The following SLC2A9 variants were observed in gnomAD, a reference collection of about 807,000 sequenced individuals.
The protein encoded by SLC2A9 is solute carrier family 2, facilitated glucose transporter member 9.
Under a neutral mutation model 50.6 loss-of-function variants are expected in SLC2A9, and 39 were observed. The observed-to-expected ratio is 0.77, with a 90% CI of 0.60 to 1.01. The LOEUF is 1.01. SLC2A9 is among the 50% of genes least tolerant of loss of function. SLC2A9 has a pLI of 0.00. For missense variants in SLC2A9, 686 were observed against 677.6 expected, an observed-to-expected ratio of 1.01 and a Z score of -0.14; for synonymous variants, 324 against 276.9, an observed-to-expected ratio of 1.17 and a Z score of -1.69.
intron 11 of SLC2A9, among the ~76,000 whole-genome samples, chr4:9,831,933 T>C (rs1046793674): frequency 1.3e-5 from 2 of 152,156 alleles, no homozygotes; most frequent in Non-Finnish European, 2.9e-5. Context: ...GGATAACAAT[T>C]GGTGTAGTTG....
chr4:9,801,512 T>G (rs563749903), intron 3 of SLC2A9, among the ~76,000 whole-genome samples: 1 of 152,202 alleles, frequency 6.6e-6, no homozygotes, highest in African/African-American at 2.4e-5. Flanking sequence ...CAGTCAACAC[T>G]GTAGCTCTGA....
intron 1 of SLC2A9, among the ~76,000 whole-genome samples, chr4:10,027,053 A>AC (rs965993203): frequency 6.7e-5 from 10 of 149,926 alleles, no homozygotes; most frequent in Admixed American, 4.7e-4. Flanking sequence ...CAAAAAAACA[A>AC]AAAAAAAAAG....
At chr4:9,957,506 A>G (rs2108897629) in intron 5 of SLC2A9, among the ~76,000 whole-genome samples, 1 of 152,328 alleles carries the variant, frequency 6.6e-6, no homozygotes, top group South Asian at 2.1e-4. Flanking sequence ...AACCAACAGA[A>G]AGATAAAGCA....
chr4:9,832,592 G>T lies in SLC2A9; in HGVS notation c.1419+2289C>A, dbSNP rs190980687. 2.9e-3 allele frequency among the ~76,000 whole-genome samples: 445 copies of T among 152,312 alleles called. 2 individuals carry two copies. Among genetic ancestry groups the T allele is most frequent in the African/African-American group, 0.01 (420 of 41,568 alleles). ...CTTCTCAGGAACTGTTTCCAGAGGG[G>T]ATTTGTTTCGAAAATGCCCACAGGC... On this transcript the variant is annotated intron_variant, in intron 11 of 11. Coordinates refer to ENST00000264784, the MANE Select transcript of SLC2A9 (RefSeq NM_020041.3).
rs745405422 is a variant in SLC2A9, at chr4:9,980,682, G to C, written c.591C>G (p.Ile197Met). The change falls in exon 5 of 12, where the codon ATC becomes ATG. Residue 197 changes from isoleucine to methionine, a missense_variant. Transcript: ENST00000264784. ...CAGTCACCTGCCCCAGAGAGCCACGGATCTCCTTGGGTGAGATCTCACTAA... is the reference window on the plus strand; with the variant it reads ...CAGTCACCTGCCCCAGAGAGCCACGCATCTCCTTGGGTGAGATCTCACTAA... ...MYLSEISPKE[I>M]RGSLGQVTAI... 6.2e-7 allele frequency: 1 copy of C among 1,614,132 alleles called. No homozygotes were observed. The highest frequency in any genetic ancestry group is 1.6e-4 in the Middle Eastern group (1 of 6,062).
intron 3 of SLC2A9, among the ~76,000 whole-genome samples, chr4:9,813,472 C>T (rs897959837): frequency 6.6e-6 from 1 of 152,148 alleles, no homozygotes; most frequent in Non-Finnish European, 1.5e-5. Flanking sequence ...GCCCTGGTCA[C>T]CTGGAGCCAC....
chr4:9,943,083 C>T (rs1271992026), intron 5 of SLC2A9, among the ~76,000 whole-genome samples: 1 of 152,170 alleles, frequency 6.6e-6, no homozygotes, highest in Non-Finnish European at 1.5e-5. Flanking sequence ...GCCTCCCCAC[C>T]TCTCCCCCAG....
chr4:9,775,596 G>T (rs1361481356), downstream of SLC2A9, among the ~76,000 whole-genome samples: 4 of 152,014 alleles, frequency 2.6e-5, no homozygotes, highest in African/African-American at 9.7e-5. Context: ...GTGAGTTCTT[G>T]TGAGATCTGG....
At position 9,783,240 on chromosome 4, in the gene SLC2A9, A is replaced by G. The variant is rs1195713406; in HGVS notation, n.386-3175T>C. On this transcript the variant is annotated intron_variant and non_coding_transcript_variant, in intron 3 of 3. Coordinates refer to the SLC2A9 transcript ENST00000503803. ...TACAACCAAGACATCGTCTTCCACA[A>G]GGAAATCGCAGCTGCCTACATCCAC... 4 of 1,614,210 alleles carry G rather than the reference A, an allele frequency of 2.5e-6. No homozygotes were observed. The East Asian group carries it at 8.9e-5, about 36-fold the overall frequency.
In SLC2A9 at chr4:9,887,571, C is replaced by T. The variant is rs1436251938; in HGVS notation, c.1287G>A (p.Gly429=). ...ILAIIASFCS[G]PGGIPFILTG... is the part of the protein sequence containing the mutation. ...GGGGAGGGTGGGGTGCCTTACCTGG[C>T]CCACTGCAGAAAGAGGCGATGATGG... Residue 429 remains glycine, a synonymous_variant, in exon 10 of 12, where the codon GGG becomes GGA. Coordinates refer to ENST00000264784, the MANE Select transcript of SLC2A9 (RefSeq NM_020041.3). 2.1e-5 allele frequency: 33 copies of T among 1,562,512 alleles called. 1 individual carries two copies. The highest frequency in any genetic ancestry group is 2.9e-5 in the Non-Finnish European group (33 of 1,154,446).
At chr4:9,887,487 C>T in intron 10 of SLC2A9, 80 bp downstream of exon 10, 2 of 1,374,324 alleles carry the variant, frequency 1.5e-6, no homozygotes, top group Non-Finnish European at 2.0e-6. Flanking sequence ...CTGGGTTCCC[C>T]ATCTGTATGA....
chr4:9,952,931 G>A (rs1251920315), intron 5 of SLC2A9, among the ~76,000 whole-genome samples: 1 of 152,204 alleles, frequency 6.6e-6, no homozygotes, highest in Non-Finnish European at 1.5e-5. Context: ...GTCATTTTCT[G>A]CTATGGTCAA....
chr4:9,966,247 A>G (rs1017406159), intron 5 of SLC2A9, among the ~76,000 whole-genome samples: 1 of 152,218 alleles, frequency 6.6e-6, no homozygotes, highest in Non-Finnish European at 1.5e-5. Context: ...TACACTCTTT[A>G]ACCTGTTATT....
intron 1 of SLC2A9, among the ~76,000 whole-genome samples, chr4:10,037,483 C>T (rs1764144782): frequency 6.6e-6 from 1 of 152,174 alleles, no homozygotes; most frequent in Admixed American, 6.5e-5. Flanking sequence ...TCAGTTGCTC[C>T]TCCCAGAGCT....
intron 1 of SLC2A9, among the ~76,000 whole-genome samples, chr4:10,029,715 C>T (rs1377366038): frequency 1.3e-5 from 2 of 151,984 alleles, no homozygotes; most frequent in African/African-American, 4.8e-5. Context: ...CTCCCGGGTT[C>T]AAGCGATTCT....
At chr4:9,900,838 G>A (rs892628483) in intron 8 of SLC2A9, among the ~76,000 whole-genome samples, 1 of 152,100 alleles carries the variant, frequency 6.6e-6, no homozygotes, top group Admixed American at 6.5e-5. Context: ...AAAACCATCA[G>A]CTCTCATGAG....
chr4:10,007,623 T>C (rs1761030194), intron 2 of SLC2A9, among the ~76,000 whole-genome samples: 1 of 152,218 alleles, frequency 6.6e-6, no homozygotes, highest in Non-Finnish European at 1.5e-5. Context: ...TCAATCACAG[T>C]CCTGAGCCTT....
rs1046090504 is a variant in SLC2A9 at position 9,865,276 on chromosome 4, G to A, written c.1291+22291C>T. On this transcript the variant is annotated intron_variant, in intron 10 of 11. Transcript: ENST00000264784. Reference sequence around the variant, plus strand: ...AATGCTGCTCAACATCAGACCATGCGCGGGAGAGCCCCCAACAACAAAATA... The same window carrying A: ...AATGCTGCTCAACATCAGACCATGCACGGGAGAGCCCCCAACAACAAAATA... Among the ~76,000 whole-genome samples, 7 of 152,348 alleles carry A rather than the reference G, an allele frequency of 4.6e-5. No individual in the cohort carries two copies. The South Asian group carries it at 1.0e-3, about 23-fold the overall frequency.
intron 9 of SLC2A9, among the ~76,000 whole-genome samples, chr4:9,888,468 C>T (rs1236365013): frequency 2.6e-5 from 4 of 150,996 alleles, no homozygotes; most frequent in Non-Finnish European, 5.9e-5. Context: ...GTCACTCATC[C>T]GGGGGGTGGG....
Sources: gnomAD v4.1 joint callset for allele counts (sites outside exome capture counted in the v4.1 genomes callset) on GRCh38, gnomAD v4.1.1 for gene constraint, MANE v1.5 for transcripts, NCBI Gene and HGNC (gene_info 2026-07-23, HGNC 2026-07-21) for gene names.